The following PARN variants were observed in gnomAD, a reference collection of about 807,000 sequenced individuals.
The protein encoded by PARN is poly(A)-specific ribonuclease.
In PARN, 71 loss-of-function variants were observed where a neutral mutation model predicts 102.8. That is an observed-to-expected ratio of 0.69 (90% CI 0.57 to 0.84). PARN has a LOEUF of 0.84. PARN is among the 40% of genes least tolerant of loss of function. PARN has a pLI of 0.00. For synonymous variants in PARN, 261 were observed against 252.9 expected (o/e 1.03, Z -0.30); for missense variants, 782 against 760.9 (o/e 1.03, Z -0.33).
In PARN at chr16:14,584,359, G is replaced by A. The variant is rs767096267; in HGVS notation, c.1069C>T (p.Pro357Ser). The A allele has an allele frequency of 2.4e-5, 38 of 1,609,336 alleles. No individual in the cohort carries two copies. Among genetic ancestry groups the A allele is most frequent in the Middle Eastern group, 1.6e-4 (1 of 6,082 alleles). The change falls in exon 16 of 24, where the codon CCT becomes TCT. Residue 357 changes from proline (P) to serine (S), a missense_variant. Physicochemically the swap from Pro to Ser is moderately conservative, Grantham distance 74. Transcript: ENST00000437198. ...TTAATATTCTTACCAACTTTAGGAG[G>A]GTTGAAAGGTGTCTCTTTTAACCGC... is the stretch of plus-strand genomic sequence containing the variant. ...EKRLKETPFN[P>S]PKVESAEGFP...
chr16:14,599,277 A>C (rs1482032657), intron 12 of PARN, among the ~76,000 whole-genome samples: 4 of 152,086 alleles, frequency 2.6e-5, no homozygotes, highest in Non-Finnish European at 5.9e-5. Flanking sequence ...TCCTGAGCTC[A>C]AGCAATCCAT....
intron 21 of PARN, among the ~76,000 whole-genome samples, chr16:14,534,615 A>G (rs1434699338): frequency 6.6e-6 from 1 of 152,000 alleles, no homozygotes; most frequent in Non-Finnish European, 1.5e-5. Context: ...TTAAAAAAAG[A>G]CTGATGGGAA....
intron 22 of PARN, among the ~76,000 whole-genome samples, chr16:14,475,528 A>G (rs1341937772): frequency 1.3e-5 from 2 of 152,242 alleles, no homozygotes; most frequent in African/African-American, 4.8e-5. Flanking sequence ...AAATGCTTGA[A>G]TATTCTGGAC....
intron 18 of PARN, among the ~76,000 whole-genome samples, chr16:14,577,899 C>A (rs932319157): frequency 2.6e-5 from 4 of 151,340 alleles, no homozygotes; most frequent in Non-Finnish European, 4.4e-5. Flanking sequence ...AACTCCTGAC[C>A]TCAGGTGATC....
At chr16:14,444,290 TC>T (rs1202099106) in intron 23 of PARN, among the ~76,000 whole-genome samples, 3 of 146,140 alleles carry the variant, frequency 2.1e-5, no homozygotes, top group Non-Finnish European at 4.5e-5. Context: ...TTAAAAGTTG[TC>T]AAGATGTCTC....
In PARN at chr16:14,445,478, G is replaced by A. The variant is rs534369705; in HGVS notation, c.1864+1410C>T. On this transcript the variant is annotated intron_variant, in intron 23 of 23. Transcript: ENST00000437198. ...TTCTGCTAACCGTGACAACTGTCACGATGTGAGACAAAGGAGAATGATTAT... is the reference window on the plus strand; with the variant it reads ...TTCTGCTAACCGTGACAACTGTCACAATGTGAGACAAAGGAGAATGATTAT... Among the ~76,000 whole-genome samples the A allele has an allele frequency of 7.9e-5, 12 of 152,324 alleles. No individual in the cohort carries two copies. In the East Asian group the frequency reaches 1.2e-3, roughly 15 times the overall value.
chr16:14,449,827 A>T, intron 22 of PARN, among the ~76,000 whole-genome samples: 1 of 152,190 alleles, frequency 6.6e-6, no homozygotes, highest in East Asian at 1.9e-4. Context: ...AACCTTCAAA[A>T]GCTTGATAAT....
Position 14,559,434 on chromosome 16 carries a change from T to C in PARN, c.1263-3725A>G, listed in dbSNP as rs9932819. ...GTTTTTTTTTTTTAATTTTTATGAGTATACAGTAGATGTATATATTTGTAG... is the reference window on the plus strand; with the variant it reads ...GTTTTTTTTTTTTAATTTTTATGAGCATACAGTAGATGTATATATTTGTAG... On this transcript the variant is annotated intron_variant, in intron 18 of 23. Transcript: ENST00000437198. Among the ~76,000 whole-genome samples the C allele has an allele frequency of 2.8e-3, 419 of 152,008 alleles. 2 individuals carry two copies. The highest frequency in any genetic ancestry group is 9.5e-3 in the African/African-American group (394 of 41,458).
At chr16:14,499,086 A>T (rs1964457805) in intron 21 of PARN, among the ~76,000 whole-genome samples, 1 of 152,242 alleles carries the variant, frequency 6.6e-6, no homozygotes. Flanking sequence ...AAATGACCAC[A>T]TCACTTCCTT....
chr16:14,604,564 A>ATG (rs927904814), intron 10 of PARN, among the ~76,000 whole-genome samples: 3 of 151,912 alleles, frequency 2.0e-5, no homozygotes, highest in Non-Finnish European at 4.4e-5. Context: ...CTGGCCACAG[A>ATG]TATATACAAT....
In PARN at chr16:14,471,175, G is replaced by A. The variant is rs571909963; in HGVS notation, c.1670+11463C>T. Among the ~76,000 whole-genome samples the A allele has an allele frequency of 4.6e-5, 7 of 152,278 alleles. No homozygotes were observed. The South Asian group carries it at 6.2e-4, about 14-fold the overall frequency. ...GAGTTGACACTTCACACTCTCACTC[G>A]ATTAAAGCAGACCTTCATCTAAAAA... is the stretch of plus-strand genomic sequence containing the variant. On this transcript the variant is annotated intron_variant, in intron 22 of 23. Transcript: ENST00000437198.
intron 5 of PARN, among the ~76,000 whole-genome samples, chr16:14,623,392 T>C (rs900930344): frequency 6.6e-6 from 1 of 151,926 alleles, no homozygotes; most frequent in Non-Finnish European, 1.5e-5. Context: ...CACATGTTTG[T>C]AGTCCCAGCC....
Position 14,469,239 on chromosome 16 carries a change from A to G in PARN, c.1670+13399T>C, listed in dbSNP as rs568945812. Among the ~76,000 whole-genome samples, 827 of 152,212 alleles carry G rather than the reference A, an allele frequency of 5.4e-3. 5 individuals carry two copies. The highest frequency in any genetic ancestry group is 7.6e-3 in the Non-Finnish European group (517 of 67,998). Reference sequence around the variant, plus strand: ...TTGAACCCGGGAGGCGGAGGTTGCCATGAGCCAAGATCGCACCAGGAGGCA... The same window carrying G: ...TTGAACCCGGGAGGCGGAGGTTGCCGTGAGCCAAGATCGCACCAGGAGGCA... On this transcript the variant is annotated intron_variant, in intron 22 of 23. Transcript: ENST00000437198.
intron 21 of PARN, among the ~76,000 whole-genome samples, chr16:14,490,089 T>C (rs1428624377): frequency 6.6e-6 from 1 of 152,150 alleles, no homozygotes; most frequent in African/African-American, 2.4e-5. Flanking sequence ...GCCCGGGATG[T>C]GGAGGTTGCA....
rs192814815 is a variant in PARN, at chr16:14,504,805, C to T, written c.1481-21978G>A. 1.5e-4 allele frequency among the ~76,000 whole-genome samples: 23 copies of T among 152,250 alleles called. No individual in the cohort carries two copies. The East Asian group carries it at 3.3e-3, about 22-fold the overall frequency. ...AACTTAGAATAAAAAAATCTTTGCC[C>T]TCCTAAGACAATTCGTTAAGCAGTA... On this transcript the variant is annotated intron_variant, in intron 21 of 23. Transcript: ENST00000437198.
At chr16:14,484,222 A>C (rs1963536079) in intron 21 of PARN, among the ~76,000 whole-genome samples, 1 of 152,196 alleles carries the variant, frequency 6.6e-6, no homozygotes, top group Admixed American at 6.5e-5. Context: ...GCTTCAGACT[A>C]AGGCCAGGTC....
At chr16:14,576,873 T>C (rs150936905) in intron 18 of PARN, among the ~76,000 whole-genome samples, 3 of 152,196 alleles carry the variant, frequency 2.0e-5, no homozygotes, top group Admixed American at 6.5e-5. Context: ...TCTAGACCAG[T>C]ATGGCTTAAA....
chr16:14,623,828 C>T (rs2151818214), intron 5 of PARN, among the ~76,000 whole-genome samples: 1 of 149,400 alleles, frequency 6.7e-6, no homozygotes, highest in South Asian at 2.1e-4. Context: ...CAGTGTAAGG[C>T]TCCATCTCAA....
intron 21 of PARN, among the ~76,000 whole-genome samples, chr16:14,506,675 C>T (rs1250567542): frequency 1.3e-5 from 2 of 152,106 alleles, no homozygotes; most frequent in Non-Finnish European, 2.9e-5. Flanking sequence ...GCCAACTTGT[C>T]TATAGGTTTG....
Sources: gnomAD v4.1 joint callset for allele counts (sites outside exome capture counted in the v4.1 genomes callset) on GRCh38, gnomAD v4.1.1 for gene constraint, MANE v1.5 for transcripts, NCBI Gene and HGNC (gene_info 2026-07-23, HGNC 2026-07-21) for gene names.